KIF1A: variants seen among roughly 807,000 people sequenced by gnomAD.
The protein encoded by KIF1A is kinesin family member 1A.
A neutral mutation model predicts 227.3 loss-of-function variants in KIF1A; 46 were observed. The observed-to-expected ratio is 0.20, with a 90% CI of 0.16 to 0.26. The LOEUF is 0.26. Ranked by LOEUF, KIF1A falls within the 10% of genes least tolerant of loss-of-function variation. The probability of loss-of-function intolerance (pLI) is 1.00; values close to 1 mark genes in which losing one functional copy is unlikely to be tolerated. For synonymous variants in KIF1A, 1,022 were observed against 1,012.8 expected (o/e 1.01, Z -0.17); for missense variants, 1,683 against 2,485.9 (o/e 0.68, Z 6.87).
In KIF1A at chr2:240,771,079, G is replaced by A. The variant is rs201140044; in HGVS notation, c.1233C>T (p.Ser411=). The A allele has an allele frequency of 2.7e-5, 44 of 1,613,582 alleles. No homozygotes were observed. In the African/African-American group the frequency reaches 5.5e-4, roughly 20 times the overall value. Residue 411 remains serine (S), a synonymous_variant, in exon 15 of 49, where the codon AGC becomes AGT. Transcript: ENST00000498729. ...ACAGGGCTGAGAGCGAGGATGAGGG[G>A]CTCATACCCACCAGGGCATTGGTCA... ...PKLTNALVGM[S]PSSSLSALSS...
rs2055206879 is a variant in KIF1A, at chr2:240,788,301, G to A, written c.184-71C>T. 1 of 1,460,220 alleles carries A rather than the reference G, an allele frequency of 6.8e-7. No homozygotes were observed. The allele number at this position is 1,460,220 out of a possible 1,614,324, so 90.5% of individuals were successfully genotyped here. ...CGAGGCTCAGCCCATCATGTCTGCG[G>A]AGCCAGGGGATGCCCAGGGCCTCAG... On this transcript the variant is annotated intron_variant, in intron 3 of 48. Transcript: ENST00000498729. The surrounding 1 kb of genome is among the most constrained non-coding windows in gnomAD (Gnocchi z 6.6).
At chr2:240,803,752 A>G (rs979183700) in intron 1 of KIF1A, among the ~76,000 whole-genome samples, 1 of 152,224 alleles carries the variant, frequency 6.6e-6, no homozygotes, top group African/African-American at 2.4e-5. Context: ...CAGCTAAGAG[A>G]GTTGAAAAAA....
intron 5 of KIF1A, 59 bp from the exon 6 acceptor site, chr2:240,786,572 G>C (rs1341491273): frequency 6.7e-7 from 1 of 1,496,520 alleles, no homozygotes; most frequent in East Asian, 2.3e-5. Context: ...GGCTGCCACT[G>C]GGGGGACCCC....
chr2:240,732,402 T>C (rs1190650883), intron 38 of KIF1A, among the ~76,000 whole-genome samples: 2 of 115,212 alleles, frequency 1.7e-5, no homozygotes, highest in East Asian at 2.7e-4. Context: ...AAGGGAGGCA[T>C]GATTAGGGCG....
At position 240,778,780 on chromosome 2, in the gene KIF1A, C is replaced by T. The variant is rs2053123634; in HGVS notation, c.883-2854G>A. ...CCTCACGATTCTGCGCACCGTTCCA[C>T]ACACGGTTCCTCACCGCTCCCCACG... On this transcript the variant is annotated intron_variant, in intron 10 of 48. Transcript: ENST00000498729. This position sits in a 1 kb window ranked among gnomAD's most constrained non-coding sequence, Gnocchi z 7.2. Among the ~76,000 whole-genome samples, 1 of 151,950 alleles carries T rather than the reference C, an allele frequency of 6.6e-6. No individual in the cohort carries two copies. Among genetic ancestry groups the T allele is most frequent in the East Asian group, 1.9e-4 (1 of 5,174 alleles).
intron 23 of KIF1A, among the ~76,000 whole-genome samples, chr2:240,762,200 C>T (rs2050614849): frequency 1.3e-5 from 2 of 152,242 alleles, no homozygotes; most frequent in African/African-American, 4.8e-5. Context: ...GTGCAAACCC[C>T]TCCCCACCTG....
In KIF1A at chr2:240,745,841, C is replaced by G. The variant is rs779093187; in HGVS notation, c.3271G>C (p.Ala1091Pro). Residue 1091 changes from alanine to proline, a missense_variant, in exon 31 of 49, where the codon GCC becomes CCC. Around this residue, in one of 12 missense-constraint regions of KIF1A, gnomAD observed 759 missense variants for 1,020.2 expected, o/e 0.74. Coordinates refer to ENST00000498729, the MANE Select transcript of KIF1A (RefSeq NM_001244008.2). ...TTGCCCAGGCGGAGGTGGTCCAGGGCAGCATCCAGGGGCCCATCCAGGGCG... is the reference window on the plus strand; with the variant it reads ...TTGCCCAGGCGGAGGTGGTCCAGGGGAGCATCCAGGGGCCCATCCAGGGCG... ...KAALDGPLDA[A>P]LDHLRLGNTF... 1.0e-4 allele frequency: 167 copies of G among 1,612,572 alleles called. No homozygotes were observed. Among genetic ancestry groups the G allele is most frequent in the Non-Finnish European group, 1.4e-4 (163 of 1,179,590 alleles).
intron 2 of KIF1A, among the ~76,000 whole-genome samples, chr2:240,791,200 G>A (rs931309387): frequency 7.2e-5 from 11 of 152,206 alleles, no homozygotes; most frequent in East Asian, 5.8e-4. Context: ...AAGCTGTCCC[G>A]ACTTCAGCGC....
rs1559522638 is a variant in KIF1A at position 240,780,848 on chromosome 2, C to CACA, written c.882+1741_882+1742insTGT. ...CACAGCTCCACACACACACACAGCTCCACACACACACACACAGCTCCACAC... is the reference window on the plus strand; with the variant it reads ...CACAGCTCCACACACACACACAGCTCACACACACACACACACACAGCTCCACAC... On this transcript the variant is annotated intron_variant, in intron 10 of 48. Transcript: ENST00000498729. 3.1e-3 allele frequency among the ~76,000 whole-genome samples: 62 copies of CACA among 20,200 alleles called. 1 individual carries two copies. Among genetic ancestry groups the CACA allele is most frequent in the Non-Finnish European group, 4.1e-3 (54 of 13,084 alleles). 13.3% of individuals were successfully genotyped at this position (20,200 alleles called of 152,430 possible).
rs772675477 is a variant in KIF1A, at chr2:240,773,130, A to G, written c.1164T>C (p.Leu388=). 3 of 1,613,436 alleles carry G rather than the reference A, an allele frequency of 1.9e-6. No individual in the cohort carries two copies. Among genetic ancestry groups the G allele is most frequent in the Admixed American group, 3.3e-5 (2 of 59,952 alleles). Residue 388 remains leucine, a synonymous_variant, in exon 13 of 49, where the codon CTT becomes CTC. Transcript: ENST00000498729. The stretch of plus-strand genomic sequence containing the variant: ...GGCACTCACTGTCAGTGATGTCGCC[A>G]AGACCCTGGGCGTACAGAAGGTCCC... ...RLRDLLYAQG[L]GDITDTNTVP...
At chr2:240,796,366 G>T (rs2056395744) in intron 2 of KIF1A, among the ~76,000 whole-genome samples, 1 of 152,200 alleles carries the variant, frequency 6.6e-6, no homozygotes. Context: ...GCCTTCCTGG[G>T]CAGGACAACC....
intron 10 of KIF1A, among the ~76,000 whole-genome samples, chr2:240,782,359 C>T (rs1270201764): frequency 2.6e-5 from 4 of 152,180 alleles, no homozygotes; most frequent in Non-Finnish European, 4.4e-5. Context: ...CCAGCAGCCC[C>T]CGCCCCAGGC....
chr2:240,755,811 C>T (rs2049780244), intron 27 of KIF1A, among the ~76,000 whole-genome samples: 1 of 152,218 alleles, frequency 6.6e-6, no homozygotes, highest in Admixed American at 6.5e-5. Context: ...CCCTCACCTA[C>T]CTGACACCCG....
rs1215372721 is a variant in KIF1A at position 240,717,046 on chromosome 2, T to C, written c.*318A>G. The C allele has an allele frequency of 2.7e-6, 1 of 369,734 alleles. No homozygotes were observed. Among genetic ancestry groups the C allele is most frequent in the Non-Finnish European group, 4.9e-6 (1 of 204,798 alleles). The allele number at this position is 369,734 out of a possible 1,614,324, so 22.9% of individuals were successfully genotyped here. On this transcript the variant is annotated 3_prime_UTR_variant, in exon 49 of 49. Coordinates refer to ENST00000498729, the MANE Select transcript of KIF1A (RefSeq NM_001244008.2). ...AATGTCACTAACTAACGTATATTAA[T>C]TATAAGTCTGTCTATGCTTAAAAAA...
intron 46 of KIF1A, 53 bp downstream of exon 46, chr2:240,719,721 T>A: frequency 6.8e-7 from 1 of 1,464,232 alleles, no homozygotes; most frequent in Non-Finnish European, 9.0e-7. Context: ...GGCCTGCCTG[T>A]CCCCTGTCAG....
chr2:240,782,463 AC>A (rs1178596767), intron 10 of KIF1A, 126 bp downstream of exon 10: 28 of 1,071,462 alleles, frequency 2.6e-5, no homozygotes, highest in Non-Finnish European at 3.5e-5. Context: ...CCCGGGATCC[AC>A]CCCCACGTCC....
intron 32 of KIF1A, 85 bp from the exon 33 acceptor site, chr2:240,744,145 G>A (rs567280682): frequency 3.2e-4 from 297 of 934,530 alleles, no homozygotes; most frequent in Non-Finnish European, 4.4e-4. Flanking sequence ...TGAGCTAAGC[G>A]CTTCAGGCCC....
intron 2 of KIF1A, among the ~76,000 whole-genome samples, chr2:240,791,232 C>T (rs1293019364): frequency 2.0e-5 from 3 of 152,134 alleles, no homozygotes; most frequent in East Asian, 3.9e-4. Context: ...CAACAGCACC[C>T]GTGGCGCCGC....
chr2:240,783,901 TGTTG>T, intron 7 of KIF1A, 85 bp from the exon 8 acceptor site: 1 of 1,045,470 alleles, frequency 9.6e-7, no homozygotes, highest in East Asian at 2.6e-5. Context: ...TCTCCACAGC[TGTTG>T]AAGGAGCCCT....
Sources: allele counts gnomAD v4.1 joint callset (sites outside exome capture counted in the v4.1 genomes callset), GRCh38; gene constraint gnomAD v4.1.1; regional missense constraint gnomAD v4.1.1; non-coding constraint Gnocchi (gnomAD v3.1); transcripts MANE v1.5; gene names NCBI Gene and HGNC (gene_info 2026-07-23, HGNC 2026-07-21).